The following GAPDHS variants were observed in gnomAD, a reference collection of about 807,000 sequenced individuals.
GAPDHS encodes the protein glyceraldehyde-3-phosphate dehydrogenase, spermatogenic.
In GAPDHS, 42 loss-of-function variants were observed where a neutral mutation model predicts 48.7. That is an observed-to-expected ratio of 0.86 (90% CI 0.67 to 1.12). GAPDHS has a LOEUF of 1.12. Among genes scored for constraint, GAPDHS ranks in the 50% most tolerant of loss-of-function variants. GAPDHS has a pLI of 0.00. For synonymous variants in GAPDHS, 166 were observed against 219.1 expected, an observed-to-expected ratio of 0.76 and a Z score of 2.14; for missense variants, 512 against 557.7, an observed-to-expected ratio of 0.92 and a Z score of 0.82.
In GAPDHS at chr19:35,545,249, G is replaced by GTGTCCTTCCTCCCCC; in HGVS notation, c.*79_*80insTGTCCTTCCTCCCCC. The GTGTCCTTCCTCCCCC allele has an allele frequency of 1.6e-6, 2 of 1,235,510 alleles. No homozygotes were observed. Among genetic ancestry groups the GTGTCCTTCCTCCCCC allele is most frequent in the Non-Finnish European group, 2.4e-6 (2 of 837,566 alleles). 76.5% of individuals were successfully genotyped at this position (1,235,510 alleles called of 1,614,324 possible). A position where few individuals can be genotyped will look rare whatever the true frequency, so the allele number is the denominator to read the frequency against. On this transcript the variant is annotated 3_prime_UTR_variant, in exon 11 of 11. Coordinates refer to ENST00000222286, the MANE Select transcript of GAPDHS (RefSeq NM_014364.5). ...CCCGTTCCAGCATCTGGCTGCCCGG[G>GTGTCCTTCCTCCCCC]GGAGGAAGGACACCCGGGGCGGGCG...
At chr19:35,538,285 C>T in intron 2 of GAPDHS, 22 bp from the exon 3 acceptor site, 2 of 1,574,062 alleles carry the variant, frequency 1.3e-6, no homozygotes, top group Non-Finnish European at 1.7e-6. Context: ...TCTCCCATCC[C>T]TTCCTGTCTG....
chr19:35,538,246 GA>G (rs2071478330), intron 2 of GAPDHS, 60 bp from the exon 3 acceptor site: 1 of 1,169,096 alleles, frequency 8.6e-7, no homozygotes, highest in Non-Finnish European at 1.3e-6. Flanking sequence ...CAGGCTCCTT[GA>G]GGGAGCCTCC....
intron 1 of GAPDHS, among the ~76,000 whole-genome samples, chr19:35,535,216 T>C (rs2071457601): frequency 6.6e-6 from 1 of 152,130 alleles, no homozygotes; most frequent in Non-Finnish European, 1.5e-5. Flanking sequence ...CCTCTGTAGC[T>C]CAGGCGGCTG....
chr19:35,538,317 A>C lies in GAPDHS; in HGVS notation c.256A>C (p.Ile86Leu), dbSNP rs772960179. The change falls in exon 3 of 11, where the codon ATC becomes CTC. Residue 86 changes from isoleucine (I) to leucine (L), a missense_variant. Coordinates refer to ENST00000222286, the MANE Select transcript of GAPDHS (RefSeq NM_014364.5). The part of the protein sequence containing the change: ...LTVGINGFGR[I>L]GRLVLRACME... ...TCTGTCCCTGGCCAGATTTGGACGCATCGGTCGCCTGGTCCTGCGCGCCTG... is the reference window on the plus strand; with the variant it reads ...TCTGTCCCTGGCCAGATTTGGACGCCTCGGTCGCCTGGTCCTGCGCGCCTG... The C allele has an allele frequency of 6.2e-7, 1 of 1,612,990 alleles. No individual in the cohort carries two copies. The highest frequency in any genetic ancestry group is 8.5e-7 in the Non-Finnish European group (1 of 1,179,294).
intron 7 of GAPDHS, 96 bp from the exon 8 acceptor site, chr19:35,543,244 A>T: frequency 1.4e-6 from 2 of 1,416,866 alleles, no homozygotes; most frequent in Non-Finnish European, 2.0e-6. Flanking sequence ...TGGCCCCACC[A>T]GCCTCCACAC....
chr19:35,543,191 TG>T, intron 7 of GAPDHS, 148 bp from the exon 8 acceptor site: 1 of 1,080,690 alleles, frequency 9.3e-7, no homozygotes, highest in South Asian at 1.3e-5. Flanking sequence ...CAGGCAAGGC[TG>T]GACCCTGGCC....
chr19:35,545,251 G>GGC lies in GAPDHS; in HGVS notation c.*81_*82insGC. ...CGTTCCAGCATCTGGCTGCCCGGGGGAGGAAGGACACCCGGGGCGGGCGCC... is the reference window on the plus strand; with the variant it reads ...CGTTCCAGCATCTGGCTGCCCGGGGGGCAGGAAGGACACCCGGGGCGGGCGCC... On this transcript the variant is annotated 3_prime_UTR_variant, in exon 11 of 11. Transcript: ENST00000222286. 1.7e-6 allele frequency: 2 copies of GGC among 1,196,728 alleles called. No individual in the cohort carries two copies. The highest frequency in any genetic ancestry group is 2.5e-6 in the Non-Finnish European group (2 of 802,408). 74.1% of individuals were successfully genotyped at this position (1,196,728 alleles called of 1,614,324 possible).
Position 35,538,655 on chromosome 19 carries a change from G to C in GAPDHS, c.421G>C (p.Asp141His). 6.2e-7 allele frequency: 1 copy of C among 1,605,962 alleles called. No individual in the cohort carries two copies. Among genetic ancestry groups the C allele is most frequent in the Non-Finnish European group, 8.5e-7 (1 of 1,172,580 alleles). ...VEFRNGQLVVDNHEISVYQCK... is the reference protein window; with the variant it reads ...VEFRNGQLVVHNHEISVYQCK... ...ATTCAGGAATGGACAACTGGTCGTGGACAACCATGAGATCTCTGTCTACCA... is the reference window on the plus strand; with the variant it reads ...ATTCAGGAATGGACAACTGGTCGTGCACAACCATGAGATCTCTGTCTACCA... The change falls in exon 4 of 11, where the codon GAC becomes CAC. Residue 141 changes from aspartate to histidine, a missense_variant. Transcript: ENST00000222286.
chr19:35,545,092 C>T lies in GAPDHS; in HGVS notation c.1155-6C>T. 6.2e-7 allele frequency: 1 copy of T among 1,613,912 alleles called. No homozygotes were observed. The highest frequency in any genetic ancestry group is 8.5e-7 in the Non-Finnish European group (1 of 1,179,770). On this transcript the variant is annotated splice_region_variant and splice_polypyrimidine_tract_variant and intron_variant, in intron 10 of 10. Transcript: ENST00000222286. ...CCCCTTGAACCTCCCGACCCCTCCT[C>T]CACAGGTACGACAACGAATATGGCT...
At chr19:35,535,865 G>C (rs968883539) in intron 1 of GAPDHS, among the ~76,000 whole-genome samples, 1 of 151,678 alleles carries the variant, frequency 6.6e-6, no homozygotes, top group African/African-American at 2.4e-5. Flanking sequence ...CGCCTCCCAG[G>C]TTCAAGAGAT....
At position 35,538,366 on chromosome 19, in the gene GAPDHS, T is replaced by C; in HGVS notation, c.305T>C (p.Val102Ala). 1 of 1,608,280 alleles carries C rather than the reference T, an allele frequency of 6.2e-7. No individual in the cohort carries two copies. Among genetic ancestry groups the C allele is most frequent in the Non-Finnish European group, 8.5e-7 (1 of 1,176,870 alleles). Reference protein sequence around the residue: ...RACMEKGVKVVAVNDPFIDPE... With the variant: ...RACMEKGVKVAAVNDPFIDPE... ...TGCATGGAGAAGGGTGTTAAGGTGGTGGCTGTGAATGATCCATTCATTGAC... is the reference window on the plus strand; with the variant it reads ...TGCATGGAGAAGGGTGTTAAGGTGGCGGCTGTGAATGATCCATTCATTGAC... The change falls in exon 3 of 11, where the codon GTG (valine) becomes GCG (alanine). Residue 102 changes from valine (V) to alanine (A), a missense_variant. Coordinates refer to ENST00000222286, the MANE Select transcript of GAPDHS (RefSeq NM_014364.5).
chr19:35,536,032 G>A (rs1035631003), intron 1 of GAPDHS, among the ~76,000 whole-genome samples: 20 of 151,880 alleles, frequency 1.3e-4, no homozygotes, highest in African/African-American at 4.4e-4. Flanking sequence ...GAGCCACCAC[G>A]CCTGGCCACT....
chr19:35,543,278 A>C, intron 7 of GAPDHS, 62 bp from the exon 8 acceptor site: 1 of 1,584,452 alleles, frequency 6.3e-7, no homozygotes, highest in Non-Finnish European at 8.6e-7. Context: ...TTAGTCCTGG[A>C]AAAAAGAGGC....
rs762370579 is a variant in GAPDHS, at chr19:35,544,926, C to T, written c.1074C>T (p.Phe358=). 9 of 1,612,620 alleles carry T rather than the reference C, an allele frequency of 5.6e-6. No homozygotes were observed. The African/African-American group carries it at 8.0e-5, about 14-fold the overall frequency. The change falls in exon 10 of 11, where the codon TTC becomes TTT. Residue 358 remains phenylalanine, a synonymous_variant. Transcript: ENST00000222286. ...YTEDEVVSTD[F]LGDTHSSIFD... is the part of the protein sequence containing the mutation. ...ACTTCCAGGTCGTCTCTACGGACTT[C>T]CTCGGTGATACCCACTCGTCCATCT...
chr19:35,544,935 T>C lies in GAPDHS; in HGVS notation c.1083T>C (p.Asp361=). ...DEVVSTDFLG[D]THSSIFDAKA... ...TCGTCTCTACGGACTTCCTCGGTGA[T>C]ACCCACTCGTCCATCTTCGATGCTA... is the stretch of plus-strand genomic sequence containing the variant. The change falls in exon 10 of 11, where the codon GAT becomes GAC. Residue 361 remains aspartate, a synonymous_variant. Transcript: ENST00000222286. 1 of 1,613,332 alleles carries C rather than the reference T, an allele frequency of 6.2e-7. No individual in the cohort carries two copies. The highest frequency in any genetic ancestry group is 8.5e-7 in the Non-Finnish European group (1 of 1,179,210).
At chr19:35,533,737 C>A in intron 1 of GAPDHS, 143 bp downstream of exon 1, 1 of 605,586 alleles carries the variant, frequency 1.7e-6, no homozygotes, top group Non-Finnish European at 2.8e-6. Context: ...CTCTCCCTCC[C>A]TCCACACCCG....
intron 2 of GAPDHS, among the ~76,000 whole-genome samples, chr19:35,537,618 A>G (rs932042707): frequency 3.9e-5 from 6 of 152,208 alleles, no homozygotes; most frequent in African/African-American, 1.4e-4. Flanking sequence ...AGGCTCTCAC[A>G]CCTGTAAACC....
chr19:35,533,654 A>C (rs2071446681), intron 1 of GAPDHS, 60 bp downstream of exon 1: 4 of 1,282,724 alleles, frequency 3.1e-6, no homozygotes, highest in Non-Finnish European at 4.4e-6. Context: ...GAGCGTCTGC[A>C]CCCTCACACC....
In GAPDHS at chr19:35,536,831, C is replaced by G. The variant is rs745852651; in HGVS notation, c.86C>G (p.Pro29Arg). The G allele has an allele frequency of 6.2e-7, 1 of 1,612,714 alleles. No individual in the cohort carries two copies. Among genetic ancestry groups the G allele is most frequent in the African/African-American group, 1.3e-5 (1 of 74,866 alleles). Residue 29 changes from proline to arginine, a missense_variant, in exon 2 of 11, where the codon CCA (proline) becomes CGA (arginine). Physicochemically the swap from Pro to Arg is moderately radical, Grantham distance 103. Coordinates refer to ENST00000222286, the MANE Select transcript of GAPDHS (RefSeq NM_014364.5). The stretch of plus-strand genomic sequence containing the variant: ...CGCATAGTGACCAGAGCACCGCCCC[C>G]ACCTGAGCCTAAGGCTGAAGTAGAG... Reference protein sequence around the residue: ...QPCPVTRAPPPPEPKAEVEPQ... With the variant: ...QPCPVTRAPPRPEPKAEVEPQ...
Sources: allele counts gnomAD v4.1 joint callset (sites outside exome capture counted in the v4.1 genomes callset), GRCh38; gene constraint gnomAD v4.1.1; transcripts MANE v1.5; gene names NCBI Gene and HGNC (gene_info 2026-07-23, HGNC 2026-07-21).